The following SPTBN4 variants were observed in gnomAD, a reference collection of about 807,000 sequenced individuals.
The protein encoded by SPTBN4 is spectrin beta chain, non-erythrocytic 4.
Under a neutral mutation model 277.8 loss-of-function variants are expected in SPTBN4, and 96 were observed. The ratio of observed to expected loss-of-function variants is 0.35; its 90% confidence interval spans 0.29 to 0.41. The LOEUF (loss-of-function observed/expected upper bound fraction) is 0.41. Among genes scored for constraint, SPTBN4 ranks in the 10% least tolerant of loss-of-function variants. SPTBN4 has a pLI of 1.00. For missense variants in SPTBN4, 3,006 were observed against 3,595.7 expected (o/e 0.84, Z 4.19); for synonymous variants, 1,481 against 1,580.3 (o/e 0.94, Z 1.49).
intron 2 of SPTBN4, among the ~76,000 whole-genome samples, chr19:40,477,942 G>C (rs565735741): frequency 1.2e-4 from 18 of 152,106 alleles, no homozygotes; most frequent in African/African-American, 3.6e-4. Flanking sequence ...GGGTTCAAGC[G>C]ATTCTCCTGC....
intron 7 of SPTBN4, among the ~76,000 whole-genome samples, chr19:40,498,389 AT>A (rs2080225236): frequency 6.8e-6 from 1 of 147,950 alleles, no homozygotes; most frequent in Non-Finnish European, 1.5e-5. Context: ...TTATTTATTT[AT>A]TTATTTATTT....
chr19:40,497,636 G>A lies in SPTBN4; in HGVS notation c.784+32G>A, dbSNP rs373691077. On this transcript the variant is annotated intron_variant, in intron 7 of 35. Coordinates refer to ENST00000598249, the MANE Select transcript of SPTBN4 (RefSeq NM_020971.3). ...CTCTCGCGGGCCCAGCCCAGACTTC[G>A]TCTTGGGGGACTCCCAACCCCAATG... 2.0e-4 allele frequency: 323 copies of A among 1,576,224 alleles called. 1 individual carries two copies. Among genetic ancestry groups the A allele is most frequent in the East Asian group, 2.7e-4 (12 of 44,696 alleles).
chr19:40,503,681 G>T (rs542927391), intron 11 of SPTBN4, 149 bp from the exon 12 acceptor site: 7 of 847,674 alleles, frequency 8.3e-6, no homozygotes, highest in Admixed American at 5.9e-5. Flanking sequence ...TGGGTAACAG[G>T]GGAGGATGAG....
intron 20 of SPTBN4, among the ~76,000 whole-genome samples, chr19:40,537,651 C>T (rs1028814241): frequency 3.9e-4 from 59 of 152,156 alleles, no homozygotes; most frequent in African/African-American, 1.4e-3. Flanking sequence ...CAGCAGAAAA[C>T]CACAGCACAG....
At chr19:40,510,548 G>A (rs554485925) in intron 13 of SPTBN4, among the ~76,000 whole-genome samples, 1 of 152,256 alleles carries the variant, frequency 6.6e-6, no homozygotes, top group East Asian at 1.9e-4. Flanking sequence ...CAAGTGATCT[G>A]CCTGCTTCGG....
rs553266815 is a variant in SPTBN4 at position 40,513,704 on chromosome 19, C to T, written c.2765+150C>T. The stretch of plus-strand genomic sequence containing the variant: ...AGCCAGCTTTGTGACAGTTCTGCAA[C>T]CTGCCTAATCTTCCTGAACCTCAGC... On this transcript the variant is annotated intron_variant, in intron 14 of 35. Coordinates refer to ENST00000598249, the MANE Select transcript of SPTBN4 (RefSeq NM_020971.3). The T allele has an allele frequency of 4.3e-5, 36 of 831,018 alleles. No homozygotes were observed. In the African/African-American group the frequency reaches 5.8e-4, roughly 13 times the overall value. 51.5% of individuals were successfully genotyped at this position (831,018 alleles called of 1,614,324 possible).
intron 26 of SPTBN4, 89 bp downstream of exon 26, chr19:40,557,492 C>T (rs539538730): frequency 1.1e-5 from 16 of 1,441,396 alleles, no homozygotes; most frequent in Middle Eastern, 2.5e-4. Context: ...TGGAGCAGGT[C>T]GAAATTAGGC....
chr19:40,568,711 C>T (rs2081121518), intron 31 of SPTBN4, among the ~76,000 whole-genome samples: 1 of 152,172 alleles, frequency 6.6e-6, no homozygotes, highest in South Asian at 2.1e-4. Flanking sequence ...CTGTTGTCTT[C>T]TCCATTGTAT....
At chr19:40,501,870 A>C in intron 7 of SPTBN4, 51 bp from the exon 8 acceptor site, 2 of 1,499,808 alleles carry the variant, frequency 1.3e-6, no homozygotes, top group Non-Finnish European at 1.9e-6. Context: ...ACCTTCAAGC[A>C]CTCTGTCAAA....
At position 40,546,457 on chromosome 19, in the gene SPTBN4, A is replaced by C. The variant is rs79270549; in HGVS notation, c.4360-2732A>C. Among the ~76,000 whole-genome samples, 716 of 152,152 alleles carry C rather than the reference A, an allele frequency of 4.7e-3. 22 individuals are homozygous for C. The highest frequency in any genetic ancestry group is 0.035 in the East Asian group (181 of 5,174). On this transcript the variant is annotated intron_variant, in intron 20 of 35. Transcript: ENST00000598249. ...ATAACTGGAGGCCTATTGTGTACCA[A>C]AAATTGTTCTAGGCTTTCAAGAATA... is the stretch of plus-strand genomic sequence containing the variant.
intron 20 of SPTBN4, 67 bp from the exon 21 acceptor site, chr19:40,549,122 T>C: frequency 1.5e-6 from 2 of 1,340,452 alleles, no homozygotes; most frequent in South Asian, 2.8e-5. Context: ...ACCATAAGGG[T>C]ACTGGAGAGC....
intron 20 of SPTBN4, 34 bp from the exon 21 acceptor site, chr19:40,549,155 G>T: frequency 6.6e-7 from 1 of 1,508,306 alleles, no homozygotes. Context: ...AGGAGGGCGG[G>T]TGGGGCCCAT....
intron 17 of SPTBN4, among the ~76,000 whole-genome samples, chr19:40,526,277 A>G (rs1364143844): frequency 1.4e-5 from 2 of 143,790 alleles, no homozygotes; most frequent in East Asian, 4.1e-4. Flanking sequence ...GGTTCAAGCT[A>G]TTCTCCTGCT....
intron 5 of SPTBN4, among the ~76,000 whole-genome samples, chr19:40,494,548 A>G (rs2080173358): frequency 6.8e-6 from 1 of 148,134 alleles, no homozygotes; most frequent in South Asian, 2.1e-4. Flanking sequence ...TTATGTATGT[A>G]TGTATCTATC....
At chr19:40,553,398 C>T (rs1475980391) in intron 22 of SPTBN4, among the ~76,000 whole-genome samples, 1 of 152,134 alleles carries the variant, frequency 6.6e-6, no homozygotes, top group Non-Finnish European at 1.5e-5. Context: ...AGGAGGATCA[C>T]TTGAGCCCAG....
Position 40,554,377 on chromosome 19 carries a change from G to T in SPTBN4, c.4905G>T (p.Ala1635=). ...ACTTCGACGTGGCTGAGGTGGAGGC[G>T]TGGCTGGGCGAGCAGGAGCTGCTCA... is the stretch of plus-strand genomic sequence containing the variant. ...QYYFDVAEVE[A]WLGEQELLMM... Residue 1635 remains alanine (A), a synonymous_variant, in exon 23 of 36, where the codon GCG becomes GCT. Coordinates refer to ENST00000598249, the MANE Select transcript of SPTBN4 (RefSeq NM_020971.3). This position sits in a 1 kb window ranked among gnomAD's most constrained non-coding sequence, Gnocchi z 5.7. 3 of 1,588,142 alleles carry T rather than the reference G, an allele frequency of 1.9e-6. No homozygotes were observed. The highest frequency in any genetic ancestry group is 2.6e-6 in the Non-Finnish European group (3 of 1,171,480).
Position 40,567,657 on chromosome 19 carries a change from C to A in SPTBN4, c.6337-6C>A. On this transcript the variant is annotated splice_polypyrimidine_tract_variant and splice_region_variant and intron_variant, in intron 30 of 35. Coordinates refer to ENST00000598249, the MANE Select transcript of SPTBN4 (RefSeq NM_020971.3). The stretch of plus-strand genomic sequence containing the variant: ...TCCAACCTAACCCTGGTCCCTCCAT[C>A]CTCAGATCGAGAAAATCAAAGCGGA... 1.5e-6 allele frequency: 2 copies of A among 1,366,512 alleles called. No individual in the cohort carries two copies. The highest frequency in any genetic ancestry group is 1.3e-5 in the South Asian group (1 of 77,892). The allele number at this position is 1,366,512 out of a possible 1,614,324, so 84.6% of individuals were successfully genotyped here.
At chr19:40,549,462 C>T in intron 21 of SPTBN4, 49 bp downstream of exon 21, 1 of 163,716 alleles carries the variant, frequency 6.1e-6, no homozygotes, top group Non-Finnish European at 1.0e-5. Flanking sequence ...GGCGGTGGGG[C>T]GGAGAAGGTG....
intron 22 of SPTBN4, among the ~76,000 whole-genome samples, chr19:40,552,680 C>T (rs1379513892): frequency 2.0e-5 from 3 of 152,062 alleles, no homozygotes; most frequent in Non-Finnish European, 4.4e-5. Context: ...CCTGATCATT[C>T]TGCAGTAGGT....
Sources: allele counts gnomAD v4.1 joint callset (sites outside exome capture counted in the v4.1 genomes callset), GRCh38; gene constraint gnomAD v4.1.1; non-coding constraint Gnocchi (gnomAD v3.1); transcripts MANE v1.5; gene names NCBI Gene and HGNC (gene_info 2026-07-23, HGNC 2026-07-21).